Variants in SREBF1 observed in about 807,000 individuals in gnomAD.
The protein encoded by SREBF1 is sterol regulatory element-binding protein 1.
Under a neutral mutation model 100.1 loss-of-function variants are expected in SREBF1, and 45 were observed. The ratio of observed to expected loss-of-function variants is 0.45; its 90% CI spans 0.35 to 0.58. The LOEUF is 0.58. Among genes scored for constraint, SREBF1 ranks in the 20% least tolerant of loss-of-function variants. The probability of loss-of-function intolerance (pLI) is 0.00; values close to 1 mark genes in which losing one functional copy is unlikely to be tolerated. For synonymous variants in SREBF1, 657 were observed against 681.8 expected (o/e 0.96, Z 0.57); for missense variants, 1,324 against 1,539.4 (o/e 0.86, Z 2.34).
At chr17:17,815,722 G>C in intron 12 of SREBF1, 138 bp downstream of exon 12, 1 of 950,802 alleles carries the variant, frequency 1.1e-6, no homozygotes, top group Non-Finnish European at 1.6e-6. Flanking sequence ...TTCCCTTCCT[G>C]CAACCCCCAC....
At chr17:17,826,596 C>G (rs1230551631) in intron 1 of SREBF1, among the ~76,000 whole-genome samples, 4 of 152,196 alleles carry the variant, frequency 2.6e-5, no homozygotes, top group Non-Finnish European at 5.9e-5. Flanking sequence ...CTTCCCCAGG[C>G]TTGTGAAGCC....
At chr17:17,816,143 T>G (rs1170777385) in intron 11 of SREBF1, 64 bp downstream of exon 11, 2 of 959,012 alleles carry the variant, frequency 2.1e-6, no homozygotes, top group Admixed American at 3.7e-5. Flanking sequence ...CCCGTGTAGC[T>G]CTTACCCAGG....
chr17:17,823,551 C>T, intron 1 of SREBF1: 1 of 1,613,498 alleles, frequency 6.2e-7, no homozygotes, highest in Non-Finnish European at 8.5e-7. Flanking sequence ...CCGCGATCTG[C>T]GCCCGCCCTT....
rs1046387836 is a variant in SREBF1, at chr17:17,812,700, A to G, written c.3366T>C (p.Leu1122=). The change falls in exon 19 of 19, where the codon CTT becomes CTC. Residue 1122 remains leucine, a synonymous_variant. Transcript: ENST00000261646. ...AGTCGTGCAGCAGCCGGCGATCGCC[A>G]AGCTTCTCGAGTGTGCGCGCCGCCT... is the stretch of plus-strand genomic sequence containing the variant. ...LAEAARTLEK[L]GDRRLLHDCQ... 12 of 1,603,632 alleles carry G rather than the reference A, an allele frequency of 7.5e-6. No homozygotes were observed. Among genetic ancestry groups the G allele is most frequent in the Non-Finnish European group, 1.0e-5 (12 of 1,175,534 alleles).
chr17:17,827,464 C>T (rs2034563021), intron 1 of SREBF1, among the ~76,000 whole-genome samples: 1 of 152,208 alleles, frequency 6.6e-6, no homozygotes, highest in Admixed American at 6.5e-5. Flanking sequence ...TGCACCCCAC[C>T]TGCTGTTCTG....
intron 1 of SREBF1, among the ~76,000 whole-genome samples, chr17:17,830,362 G>A (rs1234593228): frequency 6.6e-6 from 1 of 152,256 alleles, no homozygotes; most frequent in Non-Finnish European, 1.5e-5. Flanking sequence ...ACTGGCATTG[G>A]TTCAGGGCCT....
intron 1 of SREBF1, among the ~76,000 whole-genome samples, chr17:17,831,855 T>A (rs907742940): frequency 1.3e-5 from 2 of 152,136 alleles, no homozygotes; most frequent in South Asian, 2.1e-4. Flanking sequence ...GGCAGCTCCA[T>A]CCCCAAATCC....
Position 17,819,310 on chromosome 17 carries a change from C to T in SREBF1, c.846+10G>A, listed in dbSNP as rs541938925. On this transcript the variant is annotated intron_variant, in intron 4 of 18. Coordinates refer to ENST00000261646, the MANE Select transcript of SREBF1 (RefSeq NM_004176.5). ...ACCCCACTCCCTTATGCCCTGCCCA[C>T]GTCACCCACCGGCAAAGGCCCTGTC... The T allele has an allele frequency of 8.4e-5, 136 of 1,613,702 alleles. 1 individual carries two copies. The South Asian group carries it at 1.1e-3, about 13-fold the overall frequency.
chr17:17,814,028 C>G (rs1567955757), intron 16 of SREBF1: 2 of 659,822 alleles, frequency 3.0e-6, no homozygotes, highest in South Asian at 3.8e-5. Context: ...CATCCACCCC[C>G]CTCCTCCCAG....
At chr17:17,826,425 G>A (rs2034494747) in intron 1 of SREBF1, among the ~76,000 whole-genome samples, 1 of 151,994 alleles carries the variant, frequency 6.6e-6, no homozygotes, top group Non-Finnish European at 1.5e-5. Flanking sequence ...GGTCTCTAGG[G>A]GCTCACTGTG....
chr17:17,813,901 T>A, intron 16 of SREBF1, 132 bp from the exon 17 acceptor site: 1 of 976,238 alleles, frequency 1.0e-6, no homozygotes, highest in Non-Finnish European at 1.5e-6. Context: ...ACACGTGCAA[T>A]GCAACAGCAA....
At position 17,813,647 on chromosome 17, in the gene SREBF1, G is replaced by GGCCT. The variant is rs1347621124; in HGVS notation, c.3023_3024insAGGC (p.Leu1009GlyfsTer3). On this transcript the variant is annotated frameshift_variant, in exon 17 of 19. Coordinates refer to ENST00000261646, the MANE Select transcript of SREBF1 (RefSeq NM_004176.5). LOFTEE classifies it high-confidence loss of function. ...CCCGTTGGAAGCCACGCAGCTCAAG[G>GGCCT]GCGGAAGCCTGGGGCCTGCTGCTGG... 1 of 1,568,144 alleles carries GGCCT rather than the reference G, an allele frequency of 6.4e-7. No homozygotes were observed. Among genetic ancestry groups the GGCCT allele is most frequent in the Non-Finnish European group, 8.6e-7 (1 of 1,163,956 alleles).
rs1567947751 is a variant in SREBF1, at chr17:17,812,060, A to G, written c.*562T>C. 1 of 438,902 alleles carries G rather than the reference A, an allele frequency of 2.3e-6. No homozygotes were observed. The highest frequency in any genetic ancestry group is 4.5e-6 in the Non-Finnish European group (1 of 222,684). The allele number at this position is 438,902 out of a possible 1,614,324, so 27.2% of individuals were successfully genotyped here. On this transcript the variant is annotated 3_prime_UTR_variant, in exon 19 of 19. Coordinates refer to ENST00000261646, the MANE Select transcript of SREBF1 (RefSeq NM_004176.5). ...CACTAGTCAGCACATCCATCAGCTG[A>G]AGACACAAAACCCAGATTATAAATA...
rs1250317750 is a variant in SREBF1 at position 17,812,830 on chromosome 17, G to A, written c.3236C>T (p.Pro1079Leu). The change falls in exon 19 of 19, where the codon CCG (proline) becomes CTG (leucine). Residue 1079 changes from proline (P) to leucine (L), a missense_variant. Transcript: ENST00000261646. Reference sequence around the variant, plus strand: ...CGCGTGCTCCCGCCGCGTGGGCCGCGGCTCCAGCTCCGCCACCGCGCCTGC... The same window carrying A: ...CGCGTGCTCCCGCCGCGTGGGCCGCAGCTCCAGCTCCGCCACCGCGCCTGC... Reference protein sequence around the residue: ...GKGGAVAELEPRPTRREHAEA... With the variant: ...GKGGAVAELELRPTRREHAEA... 4.1e-6 allele frequency: 6 copies of A among 1,474,834 alleles called. No individual in the cohort carries two copies. The highest frequency in any genetic ancestry group is 5.1e-5 in the East Asian group (2 of 38,844). The allele number at this position is 1,474,834 out of a possible 1,614,324, so 91.4% of individuals were successfully genotyped here.
chr17:17,816,197 A>ACCCCCCCACCCCCGCCACCCCACAC lies in SREBF1; in HGVS notation c.2214+9_2214+10insGTGTGGGGTGGCGGGGGTGGGGGGG. 3 of 1,137,398 alleles carry ACCCCCCCACCCCCGCCACCCCACAC rather than the reference A, an allele frequency of 2.6e-6. No homozygotes were observed. Among genetic ancestry groups the ACCCCCCCACCCCCGCCACCCCACAC allele is most frequent in the Non-Finnish European group, 3.4e-6 (3 of 876,034 alleles). The allele number at this position is 1,137,398 out of a possible 1,614,324, so 70.5% of individuals were successfully genotyped here. On this transcript the variant is annotated intron_variant, in intron 11 of 18. Transcript: ENST00000261646. The stretch of plus-strand genomic sequence containing the variant: ...GCAGGGATAAGCCCCCAGCCCCCCA[A>ACCCCCCCACCCCCGCCACCCCACAC]CCCACTCACTGTCAGAAAATGCAAG...
chr17:17,813,600 A>G lies in SREBF1; in HGVS notation c.3071T>C (p.Leu1024Pro). Residue 1024 changes from leucine to proline, a missense_variant, in exon 17 of 19, where the codon CTG becomes CCG. Transcript: ENST00000261646. ...CATGGCGGGCCGGAAGCTCTGTGCCAGCCGCCTCAGGCTGCTCAGGTCCCG... is the reference window on the plus strand; with the variant it reads ...CATGGCGGGCCGGAAGCTCTGTGCCGGCCGCCTCAGGCTGCTCAGGTCCCG... ...FQRDLSSLRR[L>P]AQSFRPAMRR... 1.3e-6 allele frequency: 2 copies of G among 1,591,802 alleles called. No individual in the cohort carries two copies. The highest frequency in any genetic ancestry group is 2.2e-5 in the South Asian group (2 of 89,026).
intron 1 of SREBF1, among the ~76,000 whole-genome samples, chr17:17,835,123 G>A (rs527531217): frequency 6.6e-6 from 1 of 152,320 alleles, no homozygotes; most frequent in East Asian, 1.9e-4. Context: ...GAGGGCTTGA[G>A]CAGGATGACA....
chr17:17,833,450 A>AATATATATATAT (rs1555573429), intron 1 of SREBF1, among the ~76,000 whole-genome samples: 13 of 47,516 alleles, frequency 2.7e-4, no homozygotes, highest in African/African-American at 7.4e-4. Context: ...AAAAAAAAAA[A>AATATATATATAT]ATATATATAT....
chr17:17,816,947 C>T lies in SREBF1; in HGVS notation c.1785+11G>A. The T allele has an allele frequency of 6.2e-7, 1 of 1,612,858 alleles. No homozygotes were observed. The highest frequency in any genetic ancestry group is 1.6e-4 in the Middle Eastern group (1 of 6,062). The stretch of plus-strand genomic sequence containing the variant: ...CCTGCCCTGCCCACTCTGCCGGGGC[C>T]AGCCCCTTACCCGGGCCAGGTCCAG... On this transcript the variant is annotated intron_variant, in intron 9 of 18. Transcript: ENST00000261646.
Sources: gnomAD v4.1 joint callset for allele counts (sites outside exome capture counted in the v4.1 genomes callset) on GRCh38, gnomAD v4.1.1 for gene constraint, MANE v1.5 for transcripts, NCBI Gene and HGNC (gene_info 2026-07-23, HGNC 2026-07-21) for gene names.